The following RPS6KC1 variants were observed in gnomAD, a reference collection of about 807,000 sequenced individuals.
The protein encoded by RPS6KC1 is ribosomal protein S6 kinase C1.
In RPS6KC1, 54 loss-of-function variants were observed where a neutral mutation model predicts 103.8. The ratio of observed to expected loss-of-function variants is 0.52; its 90% CI spans 0.42 to 0.65. RPS6KC1 has a LOEUF of 0.65. Among genes scored for constraint, RPS6KC1 ranks in the 30% least tolerant of loss-of-function variants. The pLI is 0.00. For synonymous variants in RPS6KC1, 439 were observed against 438.7 expected (o/e 1.00, Z -0.01); for missense variants, 1,151 against 1,253.8 (o/e 0.92, Z 1.24).
chr1:213,439,933 G>C, the RPS6KC1 span, among the ~76,000 whole-genome samples: 1 of 151,952 alleles, frequency 6.6e-6, no homozygotes, highest in Non-Finnish European at 1.5e-5. Flanking sequence ...TTAAGCTATT[G>C]GTTAATGGCA....
At chr1:213,532,003 G>A in the RPS6KC1 span, among the ~76,000 whole-genome samples, 6 of 152,200 alleles carry the variant, frequency 3.9e-5, no homozygotes, top group Non-Finnish European at 7.3e-5. Context: ...TTCCTAGCTC[G>A]AGTATGCTTT....
At chr1:213,708,595 G>A in the RPS6KC1 span, among the ~76,000 whole-genome samples, 1 of 152,110 alleles carries the variant, frequency 6.6e-6, no homozygotes, top group African/African-American at 2.4e-5. Context: ...GTTTTGAATA[G>A]GAGTGGTGAG....
chr1:213,609,776 T>A, the RPS6KC1 span, among the ~76,000 whole-genome samples: 1 of 142,320 alleles, frequency 7.0e-6, no homozygotes, highest in African/African-American at 2.5e-5. Flanking sequence ...TTGCCATTAC[T>A]TTCAATGGCA....
rs1175603564 is a variant in RPS6KC1 at position 213,240,933 on chromosome 1, A to G, written c.1457A>G (p.Gln486Arg). ...LTPSSQDDSN[Q>R]EDDGQDSSPK... Reference sequence around the variant, plus strand: ...CCAAGTTCTCAAGATGACAGCAACCAGGAAGATGATGGCCAAGATAGCTCT... The same window carrying G: ...CCAAGTTCTCAAGATGACAGCAACCGGGAAGATGATGGCCAAGATAGCTCT... The change falls in exon 11 of 15, where the codon CAG becomes CGG. Residue 486 changes from glutamine to arginine, a missense_variant. Physicochemically the swap from Gln to Arg is conservative, Grantham distance 43. This residue lies in a region of RPS6KC1 where 959 missense variants were observed against 1,006.3 expected (regional missense o/e 0.95). Coordinates refer to ENST00000366960, the MANE Select transcript of RPS6KC1 (RefSeq NM_012424.6). 1.9e-6 allele frequency: 3 copies of G among 1,613,754 alleles called. No homozygotes were observed. The highest frequency in any genetic ancestry group is 1.3e-5 in the African/African-American group (1 of 74,922).
At chr1:213,602,120 C>T in the RPS6KC1 span, among the ~76,000 whole-genome samples, 132 of 5,152 alleles carry the variant, frequency 0.026, 11 homozygotes, top group Non-Finnish European at 0.036. Flanking sequence ...TTCTTTCTTT[C>T]TCTTTCTTTC....
At chr1:213,722,722 A>G in the RPS6KC1 span, among the ~76,000 whole-genome samples, 1 of 152,128 alleles carries the variant, frequency 6.6e-6, no homozygotes, top group Non-Finnish European at 1.5e-5. Flanking sequence ...TGGAGCAGCT[A>G]TGAGAGGTGT....
At chr1:213,177,740 A>G (rs1437265470) in intron 8 of RPS6KC1, among the ~76,000 whole-genome samples, 1 of 152,130 alleles carries the variant, frequency 6.6e-6, no homozygotes, top group South Asian at 2.1e-4. Flanking sequence ...AGTAGTTTCT[A>G]GGTTCTCAGA....
At chr1:213,427,926 A>T in the RPS6KC1 span, among the ~76,000 whole-genome samples, 1 of 152,222 alleles carries the variant, frequency 6.6e-6, no homozygotes, top group South Asian at 2.1e-4. Flanking sequence ...ATCCAACAAC[A>T]TCCAGGGACT....
chr1:213,096,557 C>T (rs981648531), intron 3 of RPS6KC1, among the ~76,000 whole-genome samples: 12 of 151,824 alleles, frequency 7.9e-5, no homozygotes, highest in Non-Finnish European at 1.3e-4. Flanking sequence ...TCCAGCTACT[C>T]GGGAGGCTGA....
At chr1:213,797,052 G>A in the RPS6KC1 span, among the ~76,000 whole-genome samples, 1 of 152,182 alleles carries the variant, frequency 6.6e-6, no homozygotes, top group African/African-American at 2.4e-5. Context: ...TGACTACTAA[G>A]TATCAAATTC....
At chr1:213,512,106 G>A in the RPS6KC1 span, among the ~76,000 whole-genome samples, 1 of 152,200 alleles carries the variant, frequency 6.6e-6, no homozygotes, top group African/African-American at 2.4e-5. Flanking sequence ...CTTTTAGATG[G>A]TTATGCTTGG....
At chr1:213,328,233 C>T in the RPS6KC1 span, among the ~76,000 whole-genome samples, 1 of 151,874 alleles carries the variant, frequency 6.6e-6, no homozygotes, top group Non-Finnish European at 1.5e-5. Context: ...CCTAATGCTG[C>T]CTAAGGTCCT....
the RPS6KC1 span, among the ~76,000 whole-genome samples, chr1:213,838,923 T>C: frequency 2.0e-5 from 3 of 152,250 alleles, no homozygotes; most frequent in African/African-American, 7.2e-5. Context: ...ATTTATTGGC[T>C]TTCTTATAGG....
chr1:213,163,603 A>G (rs2090683527), intron 6 of RPS6KC1, among the ~76,000 whole-genome samples: 1 of 152,122 alleles, frequency 6.6e-6, no homozygotes, highest in Non-Finnish European at 1.5e-5. Flanking sequence ...TAAGAGTAGA[A>G]TTGAAAGAAC....
chr1:213,248,628 T>C lies in RPS6KC1; in HGVS notation c.2911+5970T>C, dbSNP rs192481123. Among the ~76,000 whole-genome samples the C allele has an allele frequency of 7.9e-4, 120 of 152,248 alleles. 1 individual carries two copies. In the Middle Eastern group the frequency reaches 0.014, roughly 17 times the overall value. On this transcript the variant is annotated intron_variant, in intron 12 of 14. Coordinates refer to ENST00000366960, the MANE Select transcript of RPS6KC1 (RefSeq NM_012424.6). The stretch of plus-strand genomic sequence containing the variant: ...TCTTACCTTGTCTAGGCAAGGCCCT[T>C]GTGGTGCAAAGAAGATTAAAGGATC...
the RPS6KC1 span, among the ~76,000 whole-genome samples, chr1:213,311,881 C>A: frequency 1.3e-5 from 2 of 150,976 alleles, no homozygotes; most frequent in Non-Finnish European, 2.9e-5. Context: ...TTAGGCCAAG[C>A]CTCAGGAGGA....
chr1:213,789,240 G>C, the RPS6KC1 span, among the ~76,000 whole-genome samples: 1 of 152,196 alleles, frequency 6.6e-6, no homozygotes, highest in Non-Finnish European at 1.5e-5. Context: ...CTTCTAGACA[G>C]TAAGAGCCTA....
At chr1:213,287,836 GC>G in the RPS6KC1 span, among the ~76,000 whole-genome samples, 2 of 152,158 alleles carry the variant, frequency 1.3e-5, no homozygotes, top group African/African-American at 4.8e-5. Flanking sequence ...CACCACTGGG[GC>G]TCTAGACCTC....
the RPS6KC1 span, among the ~76,000 whole-genome samples, chr1:213,405,969 G>C: frequency 6.6e-6 from 1 of 152,226 alleles, no homozygotes; most frequent in Non-Finnish European, 1.5e-5. Flanking sequence ...CTCCTCACCT[G>C]CTGGGGCTGG....
Sources: gnomAD v4.1 joint callset for allele counts (sites outside exome capture counted in the v4.1 genomes callset) on GRCh38, gnomAD v4.1.1 for gene constraint, gnomAD v4.1.1 regional missense constraint, MANE v1.5 for transcripts, NCBI Gene and HGNC (gene_info 2026-07-23, HGNC 2026-07-21) for gene names.